The following TLE1 variants were observed in gnomAD, a reference collection of about 807,000 sequenced individuals.
TLE1 encodes the protein transducin-like enhancer protein 1.
TLE1 carries 21 observed loss-of-function variants against 89.8 expected under a neutral mutation model. The observed-to-expected ratio is 0.23, with a 90% CI of 0.17 to 0.34. The LOEUF (loss-of-function observed/expected upper bound fraction) is 0.34. TLE1 is among the 10% of genes least tolerant of loss of function. TLE1 has a pLI of 1.00. For missense variants in TLE1, 795 were observed against 1,031.2 expected (o/e 0.77, Z 3.14); for synonymous variants, 447 against 407.6 (o/e 1.10, Z -1.16).
intron 6 of TLE1, among the ~76,000 whole-genome samples, chr9:81,642,212 G>C (rs1462757198): frequency 6.6e-6 from 1 of 152,130 alleles, no homozygotes; most frequent in Non-Finnish European, 1.5e-5. Flanking sequence ...GTTAAAAATA[G>C]AACTACTTTC....
intron 6 of TLE1, among the ~76,000 whole-genome samples, chr9:81,648,606 C>A (rs1202747574): frequency 6.6e-6 from 1 of 152,206 alleles, no homozygotes; most frequent in South Asian, 2.1e-4. Flanking sequence ...CCAATCCCAA[C>A]TGAAATCAAT....
At chr9:81,627,886 T>C (rs1172588615) in intron 8 of TLE1, among the ~76,000 whole-genome samples, 1 of 152,118 alleles carries the variant, frequency 6.6e-6, no homozygotes, top group Non-Finnish European at 1.5e-5. Flanking sequence ...TGGACCCTTA[T>C]TTCCATAACC....
intron 6 of TLE1, among the ~76,000 whole-genome samples, chr9:81,644,888 G>T (rs900261684): frequency 6.6e-6 from 1 of 151,368 alleles, no homozygotes; most frequent in South Asian, 2.1e-4. Context: ...CAATTACTCG[G>T]GAGGCTGAGG....
intron 9 of TLE1, among the ~76,000 whole-genome samples, chr9:81,617,617 G>A (rs543987955): frequency 9.8e-5 from 15 of 152,320 alleles, no homozygotes; most frequent in East Asian, 5.8e-4. Context: ...CACAAGGATC[G>A]TTTGAACCCA....
At chr9:81,656,779 T>C (rs1014467927) in intron 4 of TLE1, among the ~76,000 whole-genome samples, 11 of 152,250 alleles carry the variant, frequency 7.2e-5, no homozygotes, top group African/African-American at 2.7e-4. Context: ...TAAGTACTAT[T>C]GACACCAGTG....
At chr9:81,621,046 C>A in intron 8 of TLE1, 1 of 277,052 alleles carries the variant, frequency 3.6e-6, no homozygotes, top group Non-Finnish European at 7.3e-6. Flanking sequence ...ACATTTTCCA[C>A]AGCAACAATG....
intron 4 of TLE1, among the ~76,000 whole-genome samples, chr9:81,655,377 A>G (rs1380339350): frequency 6.6e-6 from 1 of 152,030 alleles, no homozygotes; most frequent in East Asian, 1.9e-4. Flanking sequence ...TAAAAAAAAT[A>G]AAGAAGGCTG....
chr9:81,651,993 A>G (rs1194244352), intron 6 of TLE1, among the ~76,000 whole-genome samples: 2 of 151,650 alleles, frequency 1.3e-5, no homozygotes, highest in Non-Finnish European at 2.9e-5. Context: ...CCCTCCTAAA[A>G]TGCTTCTCCT....
intron 14 of TLE1, among the ~76,000 whole-genome samples, chr9:81,598,156 C>T (rs568435799): frequency 3.4e-4 from 51 of 152,162 alleles, no homozygotes; most frequent in Admixed American, 7.2e-4. Context: ...AACCTTCATT[C>T]GCTCTTCAAG....
intron 12 of TLE1, 49 bp from the exon 13 acceptor site, chr9:81,612,008 A>G: frequency 7.4e-7 from 1 of 1,354,808 alleles, no homozygotes; most frequent in Middle Eastern, 1.9e-4. Context: ...CACTCCATCA[A>G]ACCTGACCAG....
At chr9:81,622,255 C>T (rs77346095) in intron 8 of TLE1, among the ~76,000 whole-genome samples, 2 of 152,070 alleles carry the variant, frequency 1.3e-5, no homozygotes, top group South Asian at 4.1e-4. Flanking sequence ...GCAGCATCCA[C>T]GGCAGGGCTG....
intron 14 of TLE1, among the ~76,000 whole-genome samples, chr9:81,608,944 T>TA (rs1314471259): frequency 7.9e-5 from 8 of 101,242 alleles, no homozygotes; most frequent in Admixed American, 1.9e-4. Flanking sequence ...TCAAAAATAA[T>TA]AAAAAAAAGA....
intron 4 of TLE1, among the ~76,000 whole-genome samples, chr9:81,654,881 C>T (rs1336359801): frequency 6.6e-6 from 1 of 152,154 alleles, no homozygotes; most frequent in Non-Finnish European, 1.5e-5. Flanking sequence ...CTCAAACTTT[C>T]AAACAAACCA....
intron 4 of TLE1, among the ~76,000 whole-genome samples, chr9:81,665,480 G>A (rs1260311247): frequency 1.3e-5 from 2 of 151,654 alleles, no homozygotes; most frequent in African/African-American, 2.4e-5. Flanking sequence ...TTTCACACTC[G>A]CAGTTCTCTG....
intron 2 of TLE1, among the ~76,000 whole-genome samples, chr9:81,686,889 T>C (rs1834358334): frequency 6.6e-6 from 1 of 152,180 alleles, no homozygotes; most frequent in Admixed American, 6.5e-5. Context: ...GTTATAAGCA[T>C]CTAGCCTTCC....
intron 14 of TLE1, among the ~76,000 whole-genome samples, chr9:81,602,791 C>G (rs916908889): frequency 2.0e-5 from 3 of 151,872 alleles, no homozygotes. Flanking sequence ...ACTGACAAAA[C>G]TGGGCATGAG....
At chr9:81,628,291 G>C (rs564493584) in intron 8 of TLE1, among the ~76,000 whole-genome samples, 2 of 152,252 alleles carry the variant, frequency 1.3e-5, no homozygotes, top group East Asian at 3.9e-4. Context: ...GATGGGACTA[G>C]GAAGGCACAA....
chr9:81,686,025 C>A, intron 2 of TLE1, 129 bp from the exon 3 acceptor site: 3 of 889,976 alleles, frequency 3.4e-6, no homozygotes, highest in Non-Finnish European at 5.3e-6. Context: ...TAGGTAAACA[C>A]CCAAAAGCTT....
chr9:81,585,217 C>T (rs56321152), intron 18 of TLE1, among the ~76,000 whole-genome samples: 2 of 152,058 alleles, frequency 1.3e-5, no homozygotes, highest in Non-Finnish European at 2.9e-5. Flanking sequence ...TTCCCGCCCA[C>T]CCCTCTTCAG....
Sources: allele counts gnomAD v4.1 joint callset (sites outside exome capture counted in the v4.1 genomes callset), GRCh38; gene constraint gnomAD v4.1.1; transcripts MANE v1.5; gene names NCBI Gene and HGNC (gene_info 2026-07-23, HGNC 2026-07-21).